Variants in LCOR observed in about 807,000 individuals in gnomAD.
LCOR encodes ligand-dependent corepressor.
LCOR carries 14 observed loss-of-function variants against 64.4 expected under a neutral mutation model. The ratio of observed to expected loss-of-function variants is 0.22; its 90% CI spans 0.14 to 0.34. The LOEUF is 0.34. Ranked by LOEUF, LCOR falls within the 10% of genes least tolerant of loss-of-function variation. LCOR has a pLI of 1.00. For synonymous variants in LCOR, 643 were observed against 642.5 expected (o/e 1.00, Z -0.01); for missense variants, 1,686 against 1,765.3 (o/e 0.96, Z 0.80).
chr10:96,945,748 A>T (rs1847575892), intron 5 of LCOR, among the ~76,000 whole-genome samples: 1 of 152,084 alleles, frequency 6.6e-6, no homozygotes, highest in Non-Finnish European at 1.5e-5. Flanking sequence ...ATTATCTGAA[A>T]AGAGGACTTC....
Position 96,989,695 on chromosome 10 carries a change from A to ATATATATATATATATATTTTT in LCOR, c.*4562_*4563insATATATATATATATATTTTTT, listed in dbSNP as rs1371771053. On this transcript the variant is annotated 3_prime_UTR_variant, in exon 8 of 8. Transcript: ENST00000421806. The stretch of plus-strand genomic sequence containing the variant: ...TAAGGATATATATATATATATATAT[A>ATATATATATATATATATTTTT]TTTTTTTTTTTTTTTTTTTTTTTTA... The ATATATATATATATATATTTTT allele has an allele frequency of 1.2e-5, 1 of 86,160 alleles. No individual in the cohort carries two copies. Among genetic ancestry groups the ATATATATATATATATATTTTT allele is most frequent in the African/African-American group, 6.2e-5 (1 of 16,170 alleles). The allele number at this position is 86,160 out of a possible 1,614,324, so 5.3% of individuals were successfully genotyped here. A position where few individuals can be genotyped will look rare whatever the true frequency, so the allele number is the denominator to read the frequency against.
chr10:96,951,607 T>A lies in LCOR; in HGVS notation c.239-496T>A, dbSNP rs967895185. Among the ~76,000 whole-genome samples the A allele has an allele frequency of 3.1e-4, 47 of 152,112 alleles. 1 individual carries two copies. The highest frequency in any genetic ancestry group is 2.9e-5 in the Non-Finnish European group (2 of 67,986). On this transcript the variant is annotated intron_variant, in intron 6 of 7. Coordinates refer to ENST00000421806, the MANE Select transcript of LCOR (RefSeq NM_001346516.2). ...TGTACTTTAATGACATAAATTTACATTTAAAAATAATTTTTATATCTTATT... is the reference window on the plus strand; with the variant it reads ...TGTACTTTAATGACATAAATTTACAATTAAAAATAATTTTTATATCTTATT...
At chr10:96,943,723 AT>A (rs1847538035) in intron 4 of LCOR, among the ~76,000 whole-genome samples, 1 of 151,642 alleles carries the variant, frequency 6.6e-6, no homozygotes, top group South Asian at 2.1e-4. Context: ...GAGATTTGGA[AT>A]TCAAAAAAAA....
Position 96,920,680 on chromosome 10 carries a change from ATATATGTGTATATATG to A in LCOR, c.-184+12935_-184+12950del, listed in dbSNP as rs1847054869. 2.2e-5 allele frequency among the ~76,000 whole-genome samples: 3 copies of A among 136,898 alleles called. 1 individual carries two copies. The highest frequency in any genetic ancestry group is 9.7e-5 in the African/African-American group (3 of 30,908). The allele number at this position is 136,898 out of a possible 152,430, so 89.8% of individuals were successfully genotyped here. On this transcript the variant is annotated intron_variant, in intron 4 of 7. Coordinates refer to ENST00000421806, the MANE Select transcript of LCOR (RefSeq NM_001346516.2). ...TATATATGTATATATGTATATATTC[ATATATGTGTATATATG>A]TTCATATATGTGTGTATATATGTAT...
At chr10:96,896,770 A>T (rs1347163158) in intron 2 of LCOR, among the ~76,000 whole-genome samples, 1 of 152,098 alleles carries the variant, frequency 6.6e-6, no homozygotes, top group African/African-American at 2.4e-5. Flanking sequence ...CCACACACTG[A>T]AGATAGTAAA....
At chr10:96,839,692 CT>C (rs112470054) in intron 2 of LCOR, among the ~76,000 whole-genome samples, 86 of 145,854 alleles carry the variant, frequency 5.9e-4, no homozygotes, top group Admixed American at 1.6e-3. Flanking sequence ...TTTTTTCTTG[CT>C]TTTTTTTTTT....
At chr10:96,932,932 T>C (rs1011388498) in intron 4 of LCOR, among the ~76,000 whole-genome samples, 7 of 152,208 alleles carry the variant, frequency 4.6e-5, no homozygotes, top group South Asian at 2.1e-4. Flanking sequence ...GTTTCTCTTA[T>C]AGTAATCTAT....
intron 2 of LCOR, among the ~76,000 whole-genome samples, chr10:96,858,944 A>C (rs1845845587): frequency 2.0e-5 from 3 of 152,164 alleles, no homozygotes; most frequent in South Asian, 4.1e-4. Flanking sequence ...TGAGAAAGTA[A>C]CCTTAAAAAA....
intron 6 of LCOR, among the ~76,000 whole-genome samples, chr10:96,951,080 C>T (rs1053478183): frequency 1.3e-5 from 2 of 152,042 alleles, no homozygotes; most frequent in African/African-American, 2.4e-5. Context: ...GTAGCTTCTA[C>T]TCTGGGGTGA....
chr10:96,874,912 A>C (rs1379637668), intron 2 of LCOR, among the ~76,000 whole-genome samples: 3 of 152,060 alleles, frequency 2.0e-5, no homozygotes, highest in Admixed American at 2.0e-4. Flanking sequence ...CTGAGATTAC[A>C]GATGTGAGCC....
intron 2 of LCOR, among the ~76,000 whole-genome samples, chr10:96,839,323 A>G (rs1845498709): frequency 2.0e-5 from 3 of 152,356 alleles, no homozygotes; most frequent in South Asian, 4.1e-4. Flanking sequence ...ATACAGATCA[A>G]TACATGACCA....
chr10:96,947,435 A>G, intron 5 of LCOR, among the ~76,000 whole-genome samples: 1 of 152,098 alleles, frequency 6.6e-6, no homozygotes, highest in Admixed American at 6.6e-5. Flanking sequence ...GTTGTTTATT[A>G]TGGAGATTTT....
chr10:96,883,637 A>G (rs1846298449), intron 2 of LCOR, among the ~76,000 whole-genome samples: 1 of 152,122 alleles, frequency 6.6e-6, no homozygotes, highest in African/African-American at 2.4e-5. Context: ...TGCCTTCTGT[A>G]TGTCTTTGAT....
At chr10:96,880,049 A>G (rs1564613489) in intron 2 of LCOR, among the ~76,000 whole-genome samples, 1 of 152,204 alleles carries the variant, frequency 6.6e-6, no homozygotes, top group South Asian at 2.1e-4. Flanking sequence ...GGTGTTTCAT[A>G]TATTCCCCTA....
At chr10:96,864,884 CACA>C (rs1363635655) in intron 2 of LCOR, among the ~76,000 whole-genome samples, 1 of 152,124 alleles carries the variant, frequency 6.6e-6, no homozygotes, top group Admixed American at 6.5e-5. Context: ...ATGATGTTCA[CACA>C]ACAACACACC....
Position 96,984,792 on chromosome 10 carries a change from C to T in LCOR, c.4332C>T (p.Ser1444=). The T allele has an allele frequency of 1.2e-6, 2 of 1,614,000 alleles. No homozygotes were observed. Among genetic ancestry groups the T allele is most frequent in the East Asian group, 2.2e-5 (1 of 44,882 alleles). Residue 1444 remains serine, a synonymous_variant, in exon 8 of 8, where the codon AGC becomes AGT. Transcript: ENST00000421806. ...AKRPAARDRS[S]QPPKKTSLKE... ...GGCCAGCTGCAAGGGACAGAAGCAG[C>T]CAACCCCCCAAAAAGACGTCTTTGA...
intron 4 of LCOR, among the ~76,000 whole-genome samples, chr10:96,911,329 C>G (rs1302431046): frequency 6.6e-6 from 1 of 152,072 alleles, no homozygotes; most frequent in East Asian, 1.9e-4. Context: ...AACCCCTGAC[C>G]TCAAGTGATC....
chr10:96,981,670 G>A lies in LCOR; in HGVS notation c.1210G>A (p.Val404Met), dbSNP rs1848088261. 1 of 1,614,076 alleles carries A rather than the reference G, an allele frequency of 6.2e-7. No homozygotes were observed. The highest frequency in any genetic ancestry group is 8.5e-7 in the Non-Finnish European group (1 of 1,180,048). Reference protein sequence around the residue: ...NHLHSLGRNKVGYHLHPSDKG... With the variant: ...NHLHSLGRNKMGYHLHPSDKG... ...TCTTCACTCTCTGGGAAGAAATAAG[G>A]TGGGTTACCATTTACATCCCAGTGA... Residue 404 changes from valine to methionine, a missense_variant, in exon 8 of 8, where the codon GTG (valine) becomes ATG (methionine). Transcript: ENST00000421806.
chr10:96,914,417 G>A (rs951596134), intron 4 of LCOR, among the ~76,000 whole-genome samples: 19 of 152,258 alleles, frequency 1.2e-4, no homozygotes, highest in African/African-American at 3.4e-4. Context: ...GGCTGGTCTC[G>A]AACTCCTGAC....
Sources: allele counts gnomAD v4.1 joint callset (sites outside exome capture counted in the v4.1 genomes callset), GRCh38; gene constraint gnomAD v4.1.1; transcripts MANE v1.5; gene names NCBI Gene and HGNC (gene_info 2026-07-23, HGNC 2026-07-21).